The following OCA2 variants were observed in gnomAD, a reference collection of about 807,000 sequenced individuals.
OCA2 encodes the protein OCA2 melanosomal transmembrane protein.
In OCA2, 77 loss-of-function variants were observed where a neutral mutation model predicts 100.2. The observed-to-expected ratio is 0.77, with a 90% CI of 0.64 to 0.93. The LOEUF (loss-of-function observed/expected upper bound fraction) is 0.93. OCA2 is among the 40% of genes least tolerant of loss of function. OCA2 has a pLI of 0.00. For missense variants in OCA2, 1,062 were observed against 1,089.1 expected, an observed-to-expected ratio of 0.98 and a Z score of 0.35; for synonymous variants, 432 against 439.2, an observed-to-expected ratio of 0.98 and a Z score of 0.21.
chr15:27,862,438 C>T (rs995842271), intron 21 of OCA2, among the ~76,000 whole-genome samples: 6 of 151,414 alleles, frequency 4.0e-5, no homozygotes, highest in African/African-American at 1.5e-4. Context: ...GCCTGCCCAG[C>T]GCCAAAGAAC....
At chr15:27,751,005 A>T (rs550159712), downstream of OCA2, among the ~76,000 whole-genome samples, 1 of 152,290 alleles carries the variant, frequency 6.6e-6, no homozygotes, top group South Asian at 2.1e-4. Flanking sequence ...TTTGAGAAAG[A>T]TCCTGCAACA....
At chr15:27,808,578 C>G (rs72710504) in intron 23 of OCA2, among the ~76,000 whole-genome samples, 1 of 152,136 alleles carries the variant, frequency 6.6e-6, no homozygotes, top group African/African-American at 2.4e-5. Context: ...TACACTTTAG[C>G]GCTGCACTGA....
At chr15:27,763,530 AC>A (rs2031004853) in intron 23 of OCA2, among the ~76,000 whole-genome samples, 1 of 152,136 alleles carries the variant, frequency 6.6e-6, no homozygotes, top group African/African-American at 2.4e-5. Flanking sequence ...GAAAACCAGC[AC>A]ACAAAAAGAT....
intron 23 of OCA2, among the ~76,000 whole-genome samples, chr15:27,760,506 A>G (rs2030747556): frequency 6.6e-6 from 1 of 151,976 alleles, no homozygotes; most frequent in Admixed American, 6.5e-5. Context: ...AACAGTGGAG[A>G]AAAACCAATG....
chr15:28,060,549 C>G (rs1252924408), intron 2 of OCA2, among the ~76,000 whole-genome samples: 1 of 152,168 alleles, frequency 6.6e-6, no homozygotes, highest in Non-Finnish European at 1.5e-5. Flanking sequence ...AGGAATGGCA[C>G]AGAAAGGACG....
intron 23 of OCA2, among the ~76,000 whole-genome samples, chr15:27,797,956 C>G (rs928893953): frequency 6.6e-6 from 1 of 152,160 alleles, no homozygotes; most frequent in African/African-American, 2.4e-5. Flanking sequence ...AGCACTCTAC[C>G]CGGGAGCTGA....
chr15:27,747,527 C>T, the OCA2 span, among the ~76,000 whole-genome samples: 7 of 152,118 alleles, frequency 4.6e-5, no homozygotes, highest in African/African-American at 1.7e-4. Context: ...ATGAAGTGGG[C>T]AGGCCGGCCT....
rs7175046 is a variant in OCA2, at chr15:27,871,129, G to C, written c.2244+25C>G. The C allele has an allele frequency of 0.72, 1,137,159 of 1,569,672 alleles. 419,793 individuals carry two copies. The highest frequency in any genetic ancestry group is 1 in the East Asian group (44,644 of 44,674). ...GCTATGTCCAGGCTAAAGTTGAGCCGTCGACATGGACATGTGCAACTCACC... is the reference window on the plus strand; with the variant it reads ...GCTATGTCCAGGCTAAAGTTGAGCCCTCGACATGGACATGTGCAACTCACC... On this transcript the variant is annotated intron_variant, in intron 21 of 23. Coordinates refer to ENST00000354638, the MANE Select transcript of OCA2 (RefSeq NM_000275.3).
intron 19 of OCA2, among the ~76,000 whole-genome samples, chr15:27,920,481 A>AT (rs1162721017): frequency 2.0e-5 from 3 of 152,146 alleles, no homozygotes; most frequent in Admixed American, 2.0e-4. Flanking sequence ...AAAATTTCTA[A>AT]TTTTTTACAA....
chr15:27,978,704 T>A (rs763642418), intron 14 of OCA2, among the ~76,000 whole-genome samples: 15 of 151,076 alleles, frequency 9.9e-5, no homozygotes, highest in South Asian at 2.1e-4. Context: ...TTTTTTTTCC[T>A]GAGACGGAGT....
chr15:27,896,149 C>A, intron 19 of OCA2: 3 of 974,774 alleles, frequency 3.1e-6, no homozygotes, highest in Non-Finnish European at 4.9e-6. Context: ...CTTGCCAGAA[C>A]TACCAGTGGC....
At chr15:27,967,111 C>G (rs2040596652) in intron 14 of OCA2, among the ~76,000 whole-genome samples, 1 of 152,142 alleles carries the variant, frequency 6.6e-6, no homozygotes, top group Non-Finnish European at 1.5e-5. Context: ...GCCTGGGCGA[C>G]AGAGCGAGAC....
intron 19 of OCA2, among the ~76,000 whole-genome samples, chr15:27,892,037 T>C (rs1193392112): frequency 6.6e-6 from 1 of 152,100 alleles, no homozygotes; most frequent in East Asian, 1.9e-4. Flanking sequence ...TAAATATGTA[T>C]GCACCAAACA....
chr15:27,778,569 T>C (rs2032369702), intron 23 of OCA2, among the ~76,000 whole-genome samples: 1 of 152,176 alleles, frequency 6.6e-6, no homozygotes, highest in Non-Finnish European at 1.5e-5. Flanking sequence ...TCTGCTTATA[T>C]TGTTTTTAAA....
intron 18 of OCA2, among the ~76,000 whole-genome samples, chr15:27,936,588 A>G (rs1197548801): frequency 3.3e-5 from 5 of 152,182 alleles, no homozygotes; most frequent in African/African-American, 1.2e-4. Flanking sequence ...ACTGCTCTTC[A>G]GGCCTGTGTG....
intron 23 of OCA2, among the ~76,000 whole-genome samples, chr15:27,842,679 GAC>G (rs937274121): frequency 6.6e-6 from 1 of 152,178 alleles, no homozygotes; most frequent in African/African-American, 2.4e-5. Context: ...TCACCACAAG[GAC>G]ACACTCTCCA....
chr15:27,921,290 C>T (rs1282020332), intron 19 of OCA2, among the ~76,000 whole-genome samples: 2 of 151,762 alleles, frequency 1.3e-5, no homozygotes, highest in African/African-American at 2.4e-5. Context: ...GACCCGAAGT[C>T]AGAATGACAG....
chr15:27,849,382 T>C (rs2035662718), intron 22 of OCA2, among the ~76,000 whole-genome samples: 1 of 152,240 alleles, frequency 6.6e-6, no homozygotes, highest in Non-Finnish European at 1.5e-5. Flanking sequence ...TTTTCTGCCT[T>C]AGGATTGCAC....
chr15:27,888,004 C>T (rs1323287605), intron 19 of OCA2, among the ~76,000 whole-genome samples: 2 of 152,120 alleles, frequency 1.3e-5, no homozygotes, highest in Non-Finnish European at 1.5e-5. Flanking sequence ...GGTCAAGAGC[C>T]ATGTGCTCAT....
Sources: allele counts gnomAD v4.1 joint callset (sites outside exome capture counted in the v4.1 genomes callset), GRCh38; gene constraint gnomAD v4.1.1; transcripts MANE v1.5; gene names NCBI Gene and HGNC (gene_info 2026-07-23, HGNC 2026-07-21).